RASGRF1: variants seen among roughly 807,000 people sequenced by gnomAD.
RASGRF1 encodes Ras protein specific guanine nucleotide releasing factor 1.
RASGRF1 carries 40 observed loss-of-function variants against 138.7 expected under a neutral mutation model. The observed-to-expected ratio is 0.29, with a 90% CI of 0.22 to 0.38. The LOEUF is 0.38. RASGRF1 is among the 10% of genes least tolerant of loss of function. The pLI is 1.00. For missense variants in RASGRF1, 1,108 were observed against 1,650.4 expected (o/e 0.67, Z 5.69); for synonymous variants, 614 against 663.2 (o/e 0.93, Z 1.14).
intron 26 of RASGRF1, among the ~76,000 whole-genome samples, chr15:78,969,067 C>T (rs866745726): frequency 6.6e-6 from 1 of 152,208 alleles, no homozygotes; most frequent in Non-Finnish European, 1.5e-5. Context: ...CTCTCTCCCC[C>T]AAGAAACAGT....
rs1223440519 is a variant in RASGRF1 at position 78,998,789 on chromosome 15, A to C, written c.2783T>G (p.Phe928Cys). Residue 928 changes from phenylalanine (F) to cysteine (C), a missense_variant, in exon 18 of 27, where the codon TTT becomes TGT. Coordinates refer to ENST00000558480, the MANE Select transcript of RASGRF1 (RefSeq NM_001145648.3). Reference protein sequence around the residue: ...PPDQRNGDKEFVIRRAATNRV... With the variant: ...PPDQRNGDKECVIRRAATNRV... ...ATTGGTGGCTGCTCTGCGGATCACA[A>C]ACTCCTTGTCTCCATTCCTCTGGTC... is the stretch of plus-strand genomic sequence containing the variant. 1 of 1,614,076 alleles carries C rather than the reference A, an allele frequency of 6.2e-7. No individual in the cohort carries two copies. The highest frequency in any genetic ancestry group is 1.7e-5 in the Admixed American group (1 of 60,030).
At chr15:79,059,694 A>G (rs1452183391) in intron 2 of RASGRF1, among the ~76,000 whole-genome samples, 1 of 152,052 alleles carries the variant, frequency 6.6e-6, no homozygotes, top group Non-Finnish European at 1.5e-5. Context: ...CCTGAAACGT[A>G]CACTGTAAAA....
At chr15:78,968,895 G>C (rs1231183548) in intron 26 of RASGRF1, among the ~76,000 whole-genome samples, 1 of 152,130 alleles carries the variant, frequency 6.6e-6, no homozygotes, top group Non-Finnish European at 1.5e-5. Flanking sequence ...GATACCCGAA[G>C]TCTTTGGCCG....
chr15:79,046,970 G>A lies in RASGRF1; in HGVS notation c.654C>T (p.Cys218=). Residue 218 remains cysteine (C), a synonymous_variant, in exon 5 of 27, where the codon TGC becomes TGT. Coordinates refer to ENST00000558480, the MANE Select transcript of RASGRF1 (RefSeq NM_001145648.3). This position sits in a 1 kb window ranked among gnomAD's most constrained non-coding sequence, Gnocchi z 5.3. ...KVQSFLRGWL[C]RRKWKTIIQD... is the part of the protein sequence containing the mutation. ...GGATGATGGTCTTCCACTTCCGCCG[G>A]CACAGCCAGCCCCGCAGGAAGCTCT... is the stretch of plus-strand genomic sequence containing the variant. 1 of 1,613,282 alleles carries A rather than the reference G, an allele frequency of 6.2e-7. No individual in the cohort carries two copies.
At chr15:79,085,998 ACTGTGCCT>A (rs1308292134) in intron 1 of RASGRF1, among the ~76,000 whole-genome samples, 1 of 152,160 alleles carries the variant, frequency 6.6e-6, no homozygotes, top group African/African-American at 2.4e-5. Flanking sequence ...AGGCATAATT[ACTGTGCCT>A]CTTCAACTTC....
intron 3 of RASGRF1, 60 bp downstream of exon 3, chr15:79,058,274 G>A (rs1213489540): frequency 8.9e-6 from 14 of 1,568,834 alleles, no homozygotes; most frequent in Admixed American, 1.7e-5. Flanking sequence ...AATCCTGCAG[G>A]AGCCCAGGGT....
chr15:79,001,726 A>G lies in RASGRF1; in HGVS notation c.2511T>C (p.Asp837=). ...GAGATTTAGTTGGTGATGTTTCAGTATCACCATCATCACTCTGGTTTTGAT... is the reference window on the plus strand; with the variant it reads ...GAGATTTAGTTGGTGATGTTTCAGTGTCACCATCATCACTCTGGTTTTGAT... The part of the protein sequence containing the change: ...DIDQNQSDDG[D]TETSPTKSPT... Residue 837 remains aspartate (D), a synonymous_variant, in exon 16 of 27, where the codon GAT becomes GAC. Coordinates refer to ENST00000558480, the MANE Select transcript of RASGRF1 (RefSeq NM_001145648.3). The G allele has an allele frequency of 3.1e-6, 5 of 1,610,244 alleles. No homozygotes were observed. Among genetic ancestry groups the G allele is most frequent in the Non-Finnish European group, 4.2e-6 (5 of 1,176,530 alleles).
chr15:79,004,254 G>A, intron 14 of RASGRF1, 79 bp from the exon 15 acceptor site: 1 of 1,477,260 alleles, frequency 6.8e-7, no homozygotes, highest in Non-Finnish European at 9.0e-7. Flanking sequence ...GTCTCCGGTG[G>A]GGCTCGGAGT....
At chr15:78,966,422 G>C (rs2055646746) in intron 26 of RASGRF1, among the ~76,000 whole-genome samples, 1 of 142,320 alleles carries the variant, frequency 7.0e-6, no homozygotes, top group African/African-American at 2.8e-5. Context: ...TTTTTTTGTA[G>C]AGTTGGGAGC....
At chr15:79,058,562 G>A in intron 2 of RASGRF1, 81 bp from the exon 3 acceptor site, 1 of 1,545,520 alleles carries the variant, frequency 6.5e-7, no homozygotes, top group African/African-American at 1.4e-5. Flanking sequence ...CCGGGAGAGG[G>A]GCTCACCCAC....
chr15:79,040,711 TA>T (rs370475194), intron 5 of RASGRF1, among the ~76,000 whole-genome samples: 3,580 of 151,776 alleles, frequency 0.024, 127 homozygotes, highest in African/African-American at 0.082. Flanking sequence ...CAAGTTTTGG[TA>T]AAAAAAAATT....
At chr15:79,083,346 G>A (rs570861079) in intron 1 of RASGRF1, among the ~76,000 whole-genome samples, 7 of 152,240 alleles carry the variant, frequency 4.6e-5, no homozygotes, top group African/African-American at 9.6e-5. Context: ...AAGTCCACGC[G>A]TCACTAGTGC....
At chr15:79,056,761 G>A (rs2057516740) in intron 3 of RASGRF1, among the ~76,000 whole-genome samples, 2 of 152,230 alleles carry the variant, frequency 1.3e-5, no homozygotes, top group African/African-American at 4.8e-5. Flanking sequence ...GGCTGCTGCG[G>A]AACAAGGTGA....
Position 79,046,377 on chromosome 15 carries a change from C to T in RASGRF1, c.878+369G>A, listed in dbSNP as rs2057354596. ...AATTCTTTGTTGATGGGGAACTGTC[C>T]TGCATATTGTAGGATATTTAGCAGC... On this transcript the variant is annotated intron_variant, in intron 5 of 26. Transcript: ENST00000558480. The surrounding 1 kb of genome is among the most constrained non-coding windows in gnomAD (Gnocchi z 5.3). Among the ~76,000 whole-genome samples, 1 of 152,198 alleles carries T rather than the reference C, an allele frequency of 6.6e-6. No individual in the cohort carries two copies. The highest frequency in any genetic ancestry group is 1.5e-5 in the Non-Finnish European group (1 of 68,046).
intron 16 of RASGRF1, among the ~76,000 whole-genome samples, chr15:79,000,613 T>C (rs1326054729): frequency 6.6e-6 from 1 of 152,232 alleles, no homozygotes; most frequent in East Asian, 1.9e-4. Context: ...ATAATAATCA[T>C]AATTTTTAGT....
rs2056486349 is a variant in RASGRF1 at position 79,000,040 on chromosome 15, G to A, written c.2576-127C>T. On this transcript the variant is annotated intron_variant, in intron 16 of 26. Transcript: ENST00000558480. ...CAGGCTGTGTCTTCAGGGTACCAGG[G>A]CATGTCGGGTGGTGCTGGTGTGTGT... is the stretch of plus-strand genomic sequence containing the variant. 7 of 998,456 alleles carry A rather than the reference G, an allele frequency of 7.0e-6. No individual in the cohort carries two copies. In the Admixed American group the frequency reaches 1.6e-4, roughly 23 times the overall value. The allele number at this position is 998,456 out of a possible 1,614,324, so 61.8% of individuals were successfully genotyped here.
chr15:79,052,691 G>T (rs1384354752), intron 3 of RASGRF1, among the ~76,000 whole-genome samples: 1 of 152,240 alleles, frequency 6.6e-6, no homozygotes, highest in African/African-American at 2.4e-5. Context: ...AGGTTTTGAA[G>T]GGCAAACAGG....
At chr15:78,979,231 T>C in intron 24 of RASGRF1, 1 of 1,219,678 alleles carries the variant, frequency 8.2e-7, no homozygotes, top group Non-Finnish European at 1.1e-6. Context: ...AAAGTGGAGA[T>C]GGTCAAGGCG....
At chr15:78,997,119 G>A (rs553435545) in intron 19 of RASGRF1, among the ~76,000 whole-genome samples, 40 of 152,234 alleles carry the variant, frequency 2.6e-4, no homozygotes, top group Admixed American at 5.9e-4. Flanking sequence ...GGCTCAGAGC[G>A]GGGACTTGCC....
Sources: allele counts gnomAD v4.1 joint callset (sites outside exome capture counted in the v4.1 genomes callset), GRCh38; gene constraint gnomAD v4.1.1; non-coding constraint Gnocchi (gnomAD v3.1); transcripts MANE v1.5; gene names NCBI Gene and HGNC (gene_info 2026-07-23, HGNC 2026-07-21).